The following WDFY4 variants were observed in gnomAD, a reference collection of about 807,000 sequenced individuals.
WDFY4 encodes the protein WD repeat- and FYVE domain-containing protein 4.
WDFY4 carries 169 observed loss-of-function variants against 351.9 expected under a neutral mutation model. The observed-to-expected ratio is 0.48, with a 90% CI of 0.42 to 0.55. The LOEUF is 0.55. Among genes scored for constraint, WDFY4 ranks in the 20% least tolerant of loss-of-function variants. The probability of loss-of-function intolerance (pLI) is 0.00; values close to 1 mark genes in which losing one functional copy is unlikely to be tolerated. For synonymous variants in WDFY4, 1,622 were observed against 1,574.6 expected, an observed-to-expected ratio of 1.03 and a Z score of -0.71; for missense variants, 3,803 against 3,935.6, an observed-to-expected ratio of 0.97 and a Z score of 0.90.
At position 48,779,970 on chromosome 10, in the gene WDFY4, C is replaced by A; in HGVS notation, c.3427C>A (p.Pro1143Thr). Residue 1143 changes from proline (P) to threonine (T), a missense_variant, in exon 19 of 62, where the codon CCT becomes ACT. Physicochemically the swap from Pro to Thr is conservative, Grantham distance 38. This residue lies in a region of WDFY4 where 3,054 missense variants were observed against 3,148.6 expected (regional missense o/e 0.97). Transcript: ENST00000325239. Reference protein sequence around the residue: ...DVMEPEDDSEPSAGCQLQVRC... With the variant: ...DVMEPEDDSETSAGCQLQVRC... ...CATGGAACCTGAGGATGACTCCGAG[C>A]CTTCTGCAGGATGCCAGCTTCAGGT... The A allele has an allele frequency of 1.9e-6, 3 of 1,551,774 alleles. No individual in the cohort carries two copies. Among genetic ancestry groups the A allele is most frequent in the Non-Finnish European group, 1.7e-6 (2 of 1,146,998 alleles).
At chr10:48,779,116 G>A (rs537197621) in intron 18 of WDFY4, among the ~76,000 whole-genome samples, 1 of 152,212 alleles carries the variant, frequency 6.6e-6, no homozygotes. Flanking sequence ...CTTCGCCCTG[G>A]CAGAACAGTC....
chr10:48,914,079 A>T, intron 47 of WDFY4: 3 of 1,614,166 alleles, frequency 1.9e-6, no homozygotes, highest in Non-Finnish European at 2.5e-6. Context: ...TTTCCCATCA[A>T]AAGTGATTTT....
chr10:48,875,797 G>A (rs2069976807), intron 42 of WDFY4, among the ~76,000 whole-genome samples: 1 of 152,224 alleles, frequency 6.6e-6, no homozygotes, highest in African/African-American at 2.4e-5. Flanking sequence ...TTGCCTGTCT[G>A]CAGTAATACA....
intron 12 of WDFY4, among the ~76,000 whole-genome samples, chr10:48,748,577 A>G (rs541546152): frequency 7.9e-5 from 12 of 152,334 alleles, no homozygotes; most frequent in Admixed American, 2.0e-4. Flanking sequence ...TAACCAATGG[A>G]CTGCGTCAGT....
chr10:48,930,510 A>G (rs755012777), intron 47 of WDFY4, among the ~76,000 whole-genome samples: 1 of 152,156 alleles, frequency 6.6e-6, no homozygotes, highest in Non-Finnish European at 1.5e-5. Flanking sequence ...GGCCAAGGGG[A>G]GAAGGATGGG....
intron 1 of WDFY4, among the ~76,000 whole-genome samples, chr10:48,691,744 A>C (rs77802940): frequency 0.022 from 3,385 of 152,356 alleles, 136 homozygotes; most frequent in African/African-American, 0.078. Context: ...ATAAGCACAA[A>C]CTAGAAAGGG....
chr10:48,782,180 T>A (rs1055336974), intron 19 of WDFY4, among the ~76,000 whole-genome samples: 6 of 152,164 alleles, frequency 3.9e-5, no homozygotes, highest in African/African-American at 9.7e-5. Context: ...TCACATTAGT[T>A]GGGATGGGAT....
intron 1 of WDFY4, among the ~76,000 whole-genome samples, 175 bp from the exon 2 acceptor site, chr10:48,709,541 A>G (rs547951232): frequency 6.6e-6 from 1 of 152,364 alleles, no homozygotes; most frequent in African/African-American, 2.4e-5. Context: ...TATTAATCAC[A>G]TCTAAATCTG....
At chr10:48,791,830 G>C (rs539433421) in intron 23 of WDFY4, among the ~76,000 whole-genome samples, 1 of 152,306 alleles carries the variant, frequency 6.6e-6, no homozygotes, top group African/African-American at 2.4e-5. Flanking sequence ...GAGCAGAAGA[G>C]AGCTGTGTGA....
chr10:48,814,802 C>T (rs2067566707), intron 31 of WDFY4, among the ~76,000 whole-genome samples: 1 of 152,200 alleles, frequency 6.6e-6, no homozygotes, highest in African/African-American at 2.4e-5. Context: ...CTGACACACA[C>T]CCACCCAAAA....
At chr10:48,952,481 C>T (rs563746772) in intron 51 of WDFY4, among the ~76,000 whole-genome samples, 3 of 152,268 alleles carry the variant, frequency 2.0e-5, no homozygotes, top group African/African-American at 7.2e-5. Context: ...TGGAAAAGCA[C>T]GTGCAATAGA....
rs948293285 is a variant in WDFY4, at chr10:48,877,156, G to A, written c.7124G>A (p.Arg2375Gln). ...TCAGAAGACTTCTTGGAACTGTGTC[G>A]GGAAAGACAAGTTATTTTACAAGAG... ...LHSEDFLELC[R>Q]ERQVILQELL... is the part of the protein sequence containing the mutation. The change falls in exon 43 of 62, where the codon CGG (arginine) becomes CAG (glutamine). Residue 2375 changes from arginine to glutamine, a missense_variant. Around this residue, in one of 3 missense-constraint regions of WDFY4, gnomAD observed 3,054 missense variants for 3,148.6 expected, o/e 0.97. Coordinates refer to ENST00000325239, the MANE Select transcript of WDFY4 (RefSeq NM_001394531.1). The A allele has an allele frequency of 2.2e-5, 34 of 1,551,388 alleles. No individual in the cohort carries two copies. Among genetic ancestry groups the A allele is most frequent in the South Asian group, 3.6e-5 (3 of 84,046 alleles).
In WDFY4 at chr10:48,737,076, T is replaced by C. The variant is rs563866559; in HGVS notation, c.1878+1006T>C. On this transcript the variant is annotated intron_variant, in intron 11 of 61. Coordinates refer to ENST00000325239, the MANE Select transcript of WDFY4 (RefSeq NM_001394531.1). ...TTCCTTTTTTACATAGCTTTTGTCTTTGTGAGTTTATGACTTTTAAAAAGG... is the reference window on the plus strand; with the variant it reads ...TTCCTTTTTTACATAGCTTTTGTCTCTGTGAGTTTATGACTTTTAAAAAGG... Among the ~76,000 whole-genome samples the C allele has an allele frequency of 4.3e-4, 66 of 152,346 alleles. 1 individual carries two copies. Among genetic ancestry groups the C allele is most frequent in the African/African-American group, 1.6e-3 (65 of 41,582 alleles).
intron 12 of WDFY4, among the ~76,000 whole-genome samples, chr10:48,747,358 C>T (rs1482710948): frequency 6.6e-6 from 1 of 152,052 alleles, no homozygotes; most frequent in Non-Finnish European, 1.5e-5. Flanking sequence ...ATTTATTTTG[C>T]TTCATATTCA....
At position 48,941,163 on chromosome 10, in the gene WDFY4, A is replaced by G. The variant is rs115934605; in HGVS notation, c.7587-643A>G. Among the ~76,000 whole-genome samples, 725 of 152,296 alleles carry G rather than the reference A, an allele frequency of 4.8e-3. 3 individuals are homozygous for G. Among genetic ancestry groups the G allele is most frequent in the African/African-American group, 0.017 (698 of 41,566 alleles). ...CTGTGCAACCCTGCCCCGTGGTTGC[A>G]GAGATGAATGCGAAAGGGCAGTGTG... On this transcript the variant is annotated intron_variant, in intron 47 of 61. Coordinates refer to ENST00000325239, the MANE Select transcript of WDFY4 (RefSeq NM_001394531.1).
chr10:48,918,993 C>T (rs1838805731), intron 47 of WDFY4, among the ~76,000 whole-genome samples: 1 of 152,160 alleles, frequency 6.6e-6, no homozygotes, highest in South Asian at 2.1e-4. Context: ...ATGTATAAAG[C>T]ACTCTACCTA....
chr10:48,788,585 T>C lies in WDFY4; in HGVS notation c.3864T>C (p.Phe1288=). The C allele has an allele frequency of 6.4e-7, 1 of 1,551,928 alleles. No homozygotes were observed. Among genetic ancestry groups the C allele is most frequent in the Non-Finnish European group, 8.7e-7 (1 of 1,147,024 alleles). Residue 1288 remains phenylalanine, a synonymous_variant, in exon 21 of 62, where the codon TTT becomes TTC. Transcript: ENST00000325239. ...TTGTTGCAGAAGAAAGAGTTTCTTT[T>C]GGACTTCACATAGCCAGCTCCTCTA... ...TPFVAEERVS[F]GLHIASSSIT... is the part of the protein sequence containing the mutation.
chr10:48,904,754 C>A (rs1442500989), intron 47 of WDFY4, among the ~76,000 whole-genome samples: 2 of 152,184 alleles, frequency 1.3e-5, no homozygotes, highest in Non-Finnish European at 2.9e-5. Flanking sequence ...TAATTACATG[C>A]CCATCCCAGA....
At chr10:48,723,302 C>G in intron 4 of WDFY4, 131 bp from the exon 5 acceptor site, 4 of 1,191,082 alleles carry the variant, frequency 3.4e-6, no homozygotes, top group Non-Finnish European at 4.6e-6. Context: ...GCATTTCACA[C>G]TTGAGGACTG....
Sources: allele counts gnomAD v4.1 joint callset (sites outside exome capture counted in the v4.1 genomes callset), GRCh38; gene constraint gnomAD v4.1.1; regional missense constraint gnomAD v4.1.1; transcripts MANE v1.5; gene names NCBI Gene and HGNC (gene_info 2026-07-23, HGNC 2026-07-21).